NIPSNAP2: variants seen among roughly 807,000 people sequenced by gnomAD.
NIPSNAP2 encodes the protein protein NipSnap homolog 2.
Under a neutral mutation model 48.4 loss-of-function variants are expected in NIPSNAP2, and 42 were observed. The observed-to-expected ratio is 0.87, with a 90% CI of 0.68 to 1.12. The LOEUF (loss-of-function observed/expected upper bound fraction) is 1.12. NIPSNAP2 is among the 50% of genes most tolerant of loss of function. NIPSNAP2 has a pLI of 0.00. For synonymous variants in NIPSNAP2, 158 were observed against 126.6 expected (o/e 1.25, Z -1.67); for missense variants, 314 against 347.3 (o/e 0.90, Z 0.76).
chr7:55,981,427 A>G (rs759697405), intron 3 of NIPSNAP2, 46 bp from the exon 4 acceptor site: 3 of 1,469,188 alleles, frequency 2.0e-6, no homozygotes, highest in African/African-American at 2.8e-5. Context: ...CACCTGGTCA[A>G]ATTTTGCTGG....
At chr7:55,998,561 C>T (rs1471050524) in intron 9 of NIPSNAP2, among the ~76,000 whole-genome samples, 13 of 123,942 alleles carry the variant, frequency 1.0e-4, no homozygotes, top group Non-Finnish European at 4.8e-5. Context: ...AGTGCAGTGA[C>T]GCGATCTCGG....
intron 1 of NIPSNAP2, among the ~76,000 whole-genome samples, chr7:55,973,639 TA>T (rs1210876367): frequency 6.8e-6 from 1 of 147,782 alleles, no homozygotes; most frequent in Admixed American, 6.7e-5. Flanking sequence ...CACACCCAGC[TA>T]TTTTTTTTTT....
In NIPSNAP2 at chr7:55,994,879, A is replaced by G. The variant is rs1436954971; in HGVS notation, c.618-15A>G. ...TAATTCAGTGTCTTAAACAAACATC[A>G]TCTCATTCTTACAGGGCTCGTGCAA... On this transcript the variant is annotated splice_polypyrimidine_tract_variant and intron_variant, in intron 7 of 9. Coordinates refer to ENST00000322090, the MANE Select transcript of NIPSNAP2 (RefSeq NM_001483.3). 4.3e-6 allele frequency: 7 copies of G among 1,610,352 alleles called. No individual in the cohort carries two copies. Among genetic ancestry groups the G allele is most frequent in the East Asian group, 2.2e-5 (1 of 44,856 alleles).
At chr7:55,994,714 A>C (rs1053310593) in intron 7 of NIPSNAP2, among the ~76,000 whole-genome samples, 180 bp from the exon 8 acceptor site, 12 of 152,008 alleles carry the variant, frequency 7.9e-5, no homozygotes, top group Admixed American at 7.9e-4. Flanking sequence ...CTCCGTCTCA[A>C]ATAATAATAA....
intron 1 of NIPSNAP2, among the ~76,000 whole-genome samples, chr7:55,973,486 C>CT (rs1393703574): frequency 6.6e-6 from 1 of 151,266 alleles, no homozygotes; most frequent in East Asian, 1.9e-4. Flanking sequence ...ATTATTATTA[C>CT]TTTTTTTGAG....
At chr7:55,991,885 G>A (rs755075936) in intron 7 of NIPSNAP2, 3 of 232,626 alleles carry the variant, frequency 1.3e-5, no homozygotes, top group Admixed American at 5.4e-5. Context: ...CCAGGCTAAG[G>A]CAAGTATGTT....
intron 7 of NIPSNAP2, among the ~76,000 whole-genome samples, chr7:55,990,172 A>G (rs1425317790): frequency 6.6e-6 from 1 of 151,824 alleles, no homozygotes; most frequent in African/African-American, 2.4e-5. Context: ...CAAAAGATTT[A>G]TAGCATTTTT....
intron 7 of NIPSNAP2, among the ~76,000 whole-genome samples, chr7:55,986,954 C>T (rs1194392945): frequency 7.3e-6 from 1 of 136,500 alleles, no homozygotes; most frequent in Non-Finnish European, 1.5e-5. Flanking sequence ...GGTGACCAGC[C>T]TGGGCAACAT....
intron 1 of NIPSNAP2, among the ~76,000 whole-genome samples, chr7:55,976,645 A>C (rs1489974902): frequency 3.3e-5 from 5 of 152,152 alleles, no homozygotes; most frequent in Non-Finnish European, 5.9e-5. Context: ...CAGCACTTTG[A>C]GAGGCTGAAG....
chr7:55,979,575 C>G (rs1391212731), intron 3 of NIPSNAP2: 1 of 339,412 alleles, frequency 2.9e-6, no homozygotes, highest in Non-Finnish European at 5.8e-6. Context: ...TTCTCCATCT[C>G]TCTCTCCAAG....
chr7:55,985,245 T>C (rs1443859682), intron 7 of NIPSNAP2, among the ~76,000 whole-genome samples: 1 of 152,176 alleles, frequency 6.6e-6, no homozygotes, highest in Non-Finnish European at 1.5e-5. Flanking sequence ...GCAAAACCAA[T>C]ATTGCATAAG....
rs1447684482 is a variant in NIPSNAP2 at position 55,999,642 on chromosome 7, G to T, written c.*570G>T. 1 of 152,734 alleles carries T rather than the reference G, an allele frequency of 6.5e-6. No homozygotes were observed. Among genetic ancestry groups the T allele is most frequent in the East Asian group, 1.9e-4 (1 of 5,182 alleles). 9.5% of individuals were successfully genotyped at this position (152,734 alleles called of 1,614,324 possible). A position where few individuals can be genotyped will look rare whatever the true frequency, so the allele number is the denominator to read the frequency against. On this transcript the variant is annotated 3_prime_UTR_variant, in exon 10 of 10. Coordinates refer to ENST00000322090, the MANE Select transcript of NIPSNAP2 (RefSeq NM_001483.3). ...GTAGACAATGGGTTTTCCAAGCTGG[G>T]CAAGGTACATTTAATCAGTAAATCA...
rs748990956 is a variant in NIPSNAP2 at position 55,997,361 on chromosome 7, T to C, written c.713-5T>C. On this transcript the variant is annotated splice_polypyrimidine_tract_variant and splice_region_variant and intron_variant, in intron 8 of 9. Coordinates refer to ENST00000322090, the MANE Select transcript of NIPSNAP2 (RefSeq NM_001483.3). ...GTCTTACTTCTCTGTGTGGTTATTT[T>C]TAAGCTTACAGGGATCTTCAGACCA... 3.7e-5 allele frequency: 60 copies of C among 1,610,772 alleles called. No individual in the cohort carries two copies. The highest frequency in any genetic ancestry group is 3.3e-4 in the Middle Eastern group (2 of 6,080).
chr7:55,970,926 C>CT (rs1787004838), intron 1 of NIPSNAP2, among the ~76,000 whole-genome samples: 1 of 152,134 alleles, frequency 6.6e-6, no homozygotes, highest in Non-Finnish European at 1.5e-5. Flanking sequence ...CAGTGTATGT[C>CT]TAAGTTTACA....
chr7:55,982,368 T>A, intron 5 of NIPSNAP2, 88 bp downstream of exon 5: 1 of 784,866 alleles, frequency 1.3e-6, no homozygotes, highest in Non-Finnish European at 2.1e-6. Flanking sequence ...CAGTTTTTGT[T>A]AATAAACTTC....
At chr7:55,971,149 C>G (rs910402505) in intron 1 of NIPSNAP2, among the ~76,000 whole-genome samples, 1 of 152,138 alleles carries the variant, frequency 6.6e-6, no homozygotes, top group African/African-American at 2.4e-5. Context: ...AACCCAGGCC[C>G]AAGCCAGATC....
At position 55,999,231 on chromosome 7, in the gene NIPSNAP2, A is replaced by G. The variant is rs886706209; in HGVS notation, c.*159A>G. ...TTTCTTTAAAATTTACATAATCACA[A>G]GAAAGGAAAGAATTACAGTTGGACT... is the stretch of plus-strand genomic sequence containing the variant. On this transcript the variant is annotated 3_prime_UTR_variant, in exon 10 of 10. Coordinates refer to ENST00000322090, the MANE Select transcript of NIPSNAP2 (RefSeq NM_001483.3). 1.3e-5 allele frequency: 8 copies of G among 637,778 alleles called. No homozygotes were observed. Among genetic ancestry groups the G allele is most frequent in the Non-Finnish European group, 2.2e-5 (8 of 361,212 alleles). 39.5% of individuals were successfully genotyped at this position (637,778 alleles called of 1,614,324 possible).
intron 1 of NIPSNAP2, among the ~76,000 whole-genome samples, chr7:55,966,613 C>G (rs906882686): frequency 6.6e-6 from 1 of 152,060 alleles, no homozygotes; most frequent in Non-Finnish European, 1.5e-5. Context: ...CAAAACACAT[C>G]TCTACAAAAA....
At chr7:55,989,367 C>CT (rs1437274845) in intron 7 of NIPSNAP2, among the ~76,000 whole-genome samples, 1 of 152,170 alleles carries the variant, frequency 6.6e-6, no homozygotes, top group African/African-American at 2.4e-5. Flanking sequence ...GCTCACACCT[C>CT]TAATTCCAAC....
Sources: gnomAD v4.1 joint callset for allele counts (sites outside exome capture counted in the v4.1 genomes callset) on GRCh38, gnomAD v4.1.1 for gene constraint, MANE v1.5 for transcripts, NCBI Gene and HGNC (gene_info 2026-07-23, HGNC 2026-07-21) for gene names.